The following MACROD2 variants were observed in gnomAD, a reference collection of about 807,000 sequenced individuals.
MACROD2 encodes the protein ADP-ribose glycohydrolase MACROD2.
MACROD2 carries 36 observed loss-of-function variants against 70.4 expected under a neutral mutation model. The observed-to-expected ratio is 0.51, with a 90% CI of 0.39 to 0.68. The LOEUF (loss-of-function observed/expected upper bound fraction) is 0.68, where lower values mean the gene tolerates loss of function less well. Among genes scored for constraint, MACROD2 ranks in the 30% least tolerant of loss-of-function variants. The pLI is 0.00. For synonymous variants in MACROD2, 172 were observed against 178.8 expected, an observed-to-expected ratio of 0.96 and a Z score of 0.30; for missense variants, 496 against 538.4, an observed-to-expected ratio of 0.92 and a Z score of 0.78.
rs564153763 is a variant in MACROD2, at chr20:15,772,403, G to A, written c.646-90342G>A. Among the ~76,000 whole-genome samples the A allele has an allele frequency of 3.9e-5, 6 of 152,042 alleles. No homozygotes were observed. In the South Asian group the frequency reaches 6.2e-4, roughly 16 times the overall value. On this transcript the variant is annotated intron_variant, in intron 8 of 17. Transcript: ENST00000684519. The stretch of plus-strand genomic sequence containing the variant: ...AAAATTACATGAAATTTTCAAGGTC[G>A]TAGGGCTATAGCAGAGCTAGGTTTC...
Position 16,051,250 on chromosome 20 carries a change from T to G in MACROD2, c.*1374T>G, listed in dbSNP as rs1244651671. The G allele has an allele frequency of 6.6e-6, 1 of 152,202 alleles. No homozygotes were observed. The highest frequency in any genetic ancestry group is 1.5e-5 in the Non-Finnish European group (1 of 68,042). The allele number at this position is 152,202 out of a possible 1,614,324, so 9.4% of individuals were successfully genotyped here. A position where few individuals can be genotyped will look rare whatever the true frequency, so the allele number is the denominator to read the frequency against. Reference sequence around the variant, plus strand: ...TTAGAACTAAAACTTACTTATATTGTTTTTCCTTAACAGAGGGAGAAAAAT... The same window carrying G: ...TTAGAACTAAAACTTACTTATATTGGTTTTCCTTAACAGAGGGAGAAAAAT... On this transcript the variant is annotated 3_prime_UTR_variant, in exon 18 of 18. Transcript: ENST00000684519.
chr20:15,641,017 G>A (rs2049451633), intron 8 of MACROD2, among the ~76,000 whole-genome samples: 1 of 152,188 alleles, frequency 6.6e-6, no homozygotes, highest in Non-Finnish European at 1.5e-5. Flanking sequence ...CCTGGTAGCT[G>A]GGCTGTCTCC....
At chr20:15,803,658 T>C (rs972444954) in intron 8 of MACROD2, among the ~76,000 whole-genome samples, 2 of 152,178 alleles carry the variant, frequency 1.3e-5, no homozygotes, top group Non-Finnish European at 2.9e-5. Context: ...CTGTTCTATC[T>C]TCCTTCTCCA....
chr20:14,186,539 T>G (rs1219049252), intron 3 of MACROD2, among the ~76,000 whole-genome samples: 1 of 152,150 alleles, frequency 6.6e-6, no homozygotes, highest in African/African-American at 2.4e-5. Context: ...GGAGAGCGGT[T>G]TGGTGATTTC....
At chr20:14,718,958 G>A (rs1282497747) in intron 5 of MACROD2, among the ~76,000 whole-genome samples, 1 of 152,148 alleles carries the variant, frequency 6.6e-6, no homozygotes, top group African/African-American at 2.4e-5. Flanking sequence ...AGTCAGCCGG[G>A]TGTGGTGGCT....
chr20:14,038,032 C>A (rs915640598), intron 2 of MACROD2, among the ~76,000 whole-genome samples: 11 of 152,132 alleles, frequency 7.2e-5, no homozygotes, highest in Admixed American at 5.2e-4. Context: ...CAGTGGCTCA[C>A]GCCTATTATC....
chr20:14,634,026 C>A (rs917948209), intron 4 of MACROD2, among the ~76,000 whole-genome samples: 1 of 152,176 alleles, frequency 6.6e-6, no homozygotes, highest in Non-Finnish European at 1.5e-5. Context: ...ATTTCTGATG[C>A]TCTCCTCACC....
intron 5 of MACROD2, among the ~76,000 whole-genome samples, chr20:14,976,058 A>C (rs758390248): frequency 6.6e-6 from 1 of 152,182 alleles, no homozygotes; most frequent in African/African-American, 2.4e-5. Flanking sequence ...CGACTTCAAA[A>C]TGTCAAGAGC....
intron 3 of MACROD2, among the ~76,000 whole-genome samples, chr20:14,308,469 A>C (rs1289092499): frequency 6.6e-6 from 1 of 152,136 alleles, no homozygotes; most frequent in Non-Finnish European, 1.5e-5. Context: ...TTATTTTTAA[A>C]GACTCATAGT....
chr20:15,050,506 T>C lies in MACROD2; in HGVS notation c.419-179434T>C, dbSNP rs911832558. The stretch of plus-strand genomic sequence containing the variant: ...TATTTACATTGGATGTTTAACACTG[T>C]TGTCTTTTTACACTTTCTATTTAGG... On this transcript the variant is annotated intron_variant, in intron 5 of 17. Coordinates refer to ENST00000684519, the MANE Select transcript of MACROD2 (RefSeq NM_001351661.2). Among the ~76,000 whole-genome samples the C allele has an allele frequency of 2.6e-5, 4 of 151,496 alleles. No homozygotes were observed. The East Asian group carries it at 5.8e-4, about 22-fold the overall frequency.
At chr20:14,168,936 A>G (rs542774771) in intron 3 of MACROD2, among the ~76,000 whole-genome samples, 1 of 152,356 alleles carries the variant, frequency 6.6e-6, no homozygotes, top group East Asian at 1.9e-4. Flanking sequence ...CCTGATGAAC[A>G]TAGATGGAAA....
At chr20:15,707,176 C>T (rs566053758) in intron 8 of MACROD2, among the ~76,000 whole-genome samples, 2 of 152,274 alleles carry the variant, frequency 1.3e-5, no homozygotes, top group South Asian at 2.1e-4. Context: ...CATACACTCA[C>T]CTGATCCTGG....
chr20:14,576,592 C>T (rs537249836), intron 4 of MACROD2, among the ~76,000 whole-genome samples: 23 of 152,256 alleles, frequency 1.5e-4, no homozygotes, highest in Non-Finnish European at 2.8e-4. Flanking sequence ...ATAAGCTAAA[C>T]GACTTTGCCT....
chr20:14,536,869 A>G (rs775386302), intron 4 of MACROD2, among the ~76,000 whole-genome samples: 11 of 152,208 alleles, frequency 7.2e-5, no homozygotes, highest in Non-Finnish European at 1.5e-4. Flanking sequence ...GCTTCATGCC[A>G]GTGCCTGTCT....
intron 7 of MACROD2, among the ~76,000 whole-genome samples, chr20:15,497,893 G>T (rs2047318357): frequency 6.6e-6 from 1 of 152,280 alleles, no homozygotes. Flanking sequence ...GGCTTTTAGA[G>T]GACAGGGACT....
rs73900006 is a variant in MACROD2 at position 15,593,398 on chromosome 20, G to A, written c.645+93551G>A. Among the ~76,000 whole-genome samples, 1,009 of 152,258 alleles carry A rather than the reference G, an allele frequency of 6.6e-3. 16 individuals carry two copies. Among genetic ancestry groups the A allele is most frequent in the African/African-American group, 0.023 (974 of 41,550 alleles). On this transcript the variant is annotated intron_variant, in intron 8 of 17. Coordinates refer to ENST00000684519, the MANE Select transcript of MACROD2 (RefSeq NM_001351661.2). ...TTTTCTTTTTCCACTTGCAGAATTC[G>A]ATTTGTATCTCAAATTCTCTAGTGC...
intron 4 of MACROD2, among the ~76,000 whole-genome samples, chr20:14,647,433 G>A (rs1269914444): frequency 1.3e-5 from 2 of 152,108 alleles, no homozygotes; most frequent in Admixed American, 1.3e-4. Context: ...AATGATAAAA[G>A]AGATAACATT....
At chr20:15,857,198 G>A (rs941480454) in intron 8 of MACROD2, among the ~76,000 whole-genome samples, 2 of 152,158 alleles carry the variant, frequency 1.3e-5, no homozygotes, top group African/African-American at 2.4e-5. Flanking sequence ...GCTTCTAACC[G>A]GGGCCCATGG....
rs190274073 is a variant in MACROD2, at chr20:15,843,888, G to A, written c.646-18857G>A. Among the ~76,000 whole-genome samples, 165 of 152,084 alleles carry A rather than the reference G, an allele frequency of 1.1e-3. 1 individual carries two copies. The highest frequency in any genetic ancestry group is 0.01 in the Admixed American group (160 of 15,256). ...AATCATGCTGTAACCTTTGTAAGTT[G>A]GACATCAGTAATGGTTGTTTTTTCA... On this transcript the variant is annotated intron_variant, in intron 8 of 17. Transcript: ENST00000684519.
Sources: gnomAD v4.1 joint callset for allele counts (sites outside exome capture counted in the v4.1 genomes callset) on GRCh38, gnomAD v4.1.1 for gene constraint, MANE v1.5 for transcripts, NCBI Gene and HGNC (gene_info 2026-07-23, HGNC 2026-07-21) for gene names.